Variants in TAF3 observed in about 807,000 individuals in gnomAD.
The protein encoded by TAF3 is TATA-box binding protein associated factor 3.
TAF3 carries 7 observed loss-of-function variants against 80.6 expected under a neutral mutation model. That is an observed-to-expected ratio of 0.09 (90% CI 0.05 to 0.16). TAF3 has a LOEUF of 0.16. Ranked by LOEUF, TAF3 falls within the 10% of genes least tolerant of loss-of-function variation. The pLI is 1.00. For missense variants in TAF3, 921 were observed against 1,140.2 expected, an observed-to-expected ratio of 0.81 and a Z score of 2.77; for synonymous variants, 444 against 446.1, an observed-to-expected ratio of 1.00 and a Z score of 0.06.
intron 2 of TAF3, among the ~76,000 whole-genome samples, chr10:7,957,065 G>A (rs1433829499): frequency 6.6e-6 from 1 of 151,986 alleles, no homozygotes; most frequent in African/African-American, 2.4e-5. Flanking sequence ...CTCACACGTG[G>A]GAAAAGCAAA....
intron 2 of TAF3, among the ~76,000 whole-genome samples, chr10:7,948,330 C>T (rs114647041): frequency 0.011 from 1,671 of 151,030 alleles, 31 homozygotes; most frequent in African/African-American, 0.038. Flanking sequence ...TTCAAGCAGT[C>T]CTCCTGCCTC....
chr10:7,836,693 C>G (rs1836855341), intron 2 of TAF3, among the ~76,000 whole-genome samples: 2 of 152,228 alleles, frequency 1.3e-5, no homozygotes, highest in Non-Finnish European at 2.9e-5. Flanking sequence ...TTCTCTCATT[C>G]TCCTTCATTC....
At chr10:8,008,645 C>T (rs1832019798) in intron 4 of TAF3, among the ~76,000 whole-genome samples, 1 of 152,168 alleles carries the variant, frequency 6.6e-6, no homozygotes, top group South Asian at 2.1e-4. Flanking sequence ...TGCCCATCTC[C>T]AGTGTGGAGC....
rs1479041958 is a variant in TAF3 at position 7,954,682 on chromosome 10, A to G, written c.410-9238A>G. Among the ~76,000 whole-genome samples, 3 of 139,560 alleles carry G rather than the reference A, an allele frequency of 2.1e-5. 1 individual carries two copies. The East Asian group carries it at 7.4e-4, about 34-fold the overall frequency. The allele number at this position is 139,560 out of a possible 152,430, so 91.6% of individuals were successfully genotyped here. A position where few individuals can be genotyped will look rare whatever the true frequency, so the allele number is the denominator to read the frequency against. On this transcript the variant is annotated intron_variant, in intron 2 of 6. Transcript: ENST00000344293. The stretch of plus-strand genomic sequence containing the variant: ...ATATGTGAATGAGTGGATTAGTCCT[A>G]GTTAACACAGAGCTCTCCCTAGTGA...
chr10:7,968,500 T>C (rs1376802603), intron 3 of TAF3, among the ~76,000 whole-genome samples: 1 of 152,222 alleles, frequency 6.6e-6, no homozygotes. Context: ...GTTTTTTAGC[T>C]TCTTTAATCC....
intron 4 of TAF3, among the ~76,000 whole-genome samples, chr10:7,983,871 T>TAAA: frequency 6.6e-6 from 1 of 152,108 alleles, no homozygotes; most frequent in African/African-American, 2.4e-5. Flanking sequence ...AATAAATAAA[T>TAAA]TTTTAAAAAG....
At chr10:7,827,323 A>AC (rs1564341731) in intron 2 of TAF3, among the ~76,000 whole-genome samples, 1 of 151,670 alleles carries the variant, frequency 6.6e-6, no homozygotes, top group Non-Finnish European at 1.5e-5. Context: ...GAATCAAGTA[A>AC]TTTTTTTTTG....
chr10:7,914,087 C>T (rs1461484447), intron 2 of TAF3, among the ~76,000 whole-genome samples: 3 of 151,960 alleles, frequency 2.0e-5, no homozygotes, highest in Non-Finnish European at 4.4e-5. Context: ...TTAAAAATGT[C>T]GGGAGTTTTT....
chr10:7,851,420 C>T (rs1186108813), intron 2 of TAF3, among the ~76,000 whole-genome samples: 2 of 152,198 alleles, frequency 1.3e-5, no homozygotes, highest in Admixed American at 6.5e-5. Context: ...CAAGAGGTAG[C>T]ACCAGAGATC....
chr10:7,963,771 C>A, intron 2 of TAF3, 149 bp from the exon 3 acceptor site: 1 of 747,818 alleles, frequency 1.3e-6, no homozygotes, highest in Non-Finnish European at 2.0e-6. Context: ...AACAAACCTG[C>A]ATGTTGTGCC....
At chr10:7,884,174 C>T (rs1007951830) in intron 2 of TAF3, among the ~76,000 whole-genome samples, 4 of 152,122 alleles carry the variant, frequency 2.6e-5, no homozygotes, top group Non-Finnish European at 2.9e-5. Context: ...ACATTCAAAC[C>T]GTAGCATACT....
chr10:7,830,856 C>T (rs953329026), intron 2 of TAF3, among the ~76,000 whole-genome samples: 20 of 152,144 alleles, frequency 1.3e-4, no homozygotes, highest in African/African-American at 4.6e-4. Flanking sequence ...TGTTAGAAAT[C>T]TGGGTTGTTT....
In TAF3 at chr10:7,837,074, A is replaced by G. The variant is rs187072117; in HGVS notation, c.409+12514A>G. Among the ~76,000 whole-genome samples, 20 of 152,262 alleles carry G rather than the reference A, an allele frequency of 1.3e-4. No individual in the cohort carries two copies. The East Asian group carries it at 3.9e-3, about 29-fold the overall frequency. On this transcript the variant is annotated intron_variant, in intron 2 of 6. Coordinates refer to ENST00000344293, the MANE Select transcript of TAF3 (RefSeq NM_031923.4). The stretch of plus-strand genomic sequence containing the variant: ...AGACCTTGTTTCTATAAAAAATTTA[A>G]AAATCTGGCCAGGCGTGGTGGCTCA...
At chr10:7,950,380 GAAT>G (rs1314420694) in intron 2 of TAF3, among the ~76,000 whole-genome samples, 2 of 151,996 alleles carry the variant, frequency 1.3e-5, no homozygotes, top group African/African-American at 2.4e-5. Context: ...GAAGTTCGGA[GAAT>G]AATTGTGTGT....
chr10:7,854,993 G>A (rs746874011), intron 2 of TAF3, among the ~76,000 whole-genome samples: 2 of 152,200 alleles, frequency 1.3e-5, no homozygotes, highest in South Asian at 2.1e-4. Flanking sequence ...TAAAATTACA[G>A]TGAAGGGGTT....
chr10:7,829,224 G>A (rs2131102700), intron 2 of TAF3, among the ~76,000 whole-genome samples: 1 of 152,178 alleles, frequency 6.6e-6, no homozygotes, highest in Admixed American at 6.5e-5. Flanking sequence ...TGAGAAGTTA[G>A]TTTGGAGAGT....
intron 2 of TAF3, among the ~76,000 whole-genome samples, chr10:7,944,487 A>AT (rs1447675677): frequency 6.6e-6 from 1 of 152,144 alleles, no homozygotes; most frequent in African/African-American, 2.4e-5. Context: ...GTTACTACGC[A>AT]TTTTTTTCAT....
intron 2 of TAF3, among the ~76,000 whole-genome samples, chr10:7,932,869 G>A (rs1299161178): frequency 6.6e-6 from 1 of 151,578 alleles, no homozygotes; most frequent in African/African-American, 2.4e-5. Context: ...TGTGTGGACG[G>A]GGATCTCAAT....
chr10:7,860,662 A>C (rs1389878093), intron 2 of TAF3, among the ~76,000 whole-genome samples: 1 of 152,230 alleles, frequency 6.6e-6, no homozygotes, highest in Non-Finnish European at 1.5e-5. Context: ...AAAAGGTACC[A>C]ATTAAATTTT....
Sources: gnomAD v4.1 joint callset for allele counts (sites outside exome capture counted in the v4.1 genomes callset) on GRCh38, gnomAD v4.1.1 for gene constraint, MANE v1.5 for transcripts, NCBI Gene and HGNC (gene_info 2026-07-23, HGNC 2026-07-21) for gene names.